The following C1QTNF3 variants were observed in gnomAD, a reference collection of about 807,000 sequenced individuals.
C1QTNF3 encodes C1q and TNF related 3, also known as complement C1q tumor necrosis factor-related protein 3.
A neutral mutation model predicts 32.6 loss-of-function variants in C1QTNF3; 26 were observed. That is an observed-to-expected ratio of 0.80 (90% confidence interval 0.58 to 1.11). The LOEUF (loss-of-function observed/expected upper bound fraction) is 1.11, where lower values mean the gene tolerates loss of function less well. Among genes scored for constraint, C1QTNF3 ranks in the 50% least tolerant of loss-of-function variants. The pLI is 0.00. For missense variants in C1QTNF3, 362 were observed against 398.2 expected (o/e 0.91, Z 0.77); for synonymous variants, 155 against 146.0 (o/e 1.06, Z -0.44).
chr5:34,122,468 C>T, the C1QTNF3 span, among the ~76,000 whole-genome samples: 3 of 152,258 alleles, frequency 2.0e-5, no homozygotes, highest in Admixed American at 2.0e-4. Context: ...CTCGTGTTTT[C>T]AGGAAAGTAG....
Position 34,028,834 on chromosome 5 carries a change from C to T in C1QTNF3, c.620G>A (p.Gly207Glu). 6.2e-7 allele frequency: 1 copy of T among 1,612,794 alleles called. No homozygotes were observed. The highest frequency in any genetic ancestry group is 1.1e-5 in the South Asian group (1 of 90,904). Reference protein sequence around the residue: ...LATHFSNQNSGIIFSSVETNI... With the variant: ...LATHFSNQNSEIIFSSVETNI... ...GGTCTCAACACTGCTGAAGATAATCCCACTGTTCTGATTGCTGAAGTGGGT... is the reference window on the plus strand; with the variant it reads ...GGTCTCAACACTGCTGAAGATAATCTCACTGTTCTGATTGCTGAAGTGGGT... Residue 207 changes from glycine (G) to glutamate (E), a missense_variant, in exon 4 of 6, where the codon GGG (glycine) becomes GAG (glutamate). Transcript: ENST00000382065.
the C1QTNF3 span, chr5:34,167,684 G>A: frequency 6.6e-6 from 1 of 152,134 alleles, no homozygotes; most frequent in African/African-American, 2.4e-5. Flanking sequence ...TTTCTCATGA[G>A]GAACATATAC....
the C1QTNF3 span, among the ~76,000 whole-genome samples, chr5:34,120,410 G>A: frequency 2.0e-5 from 3 of 151,720 alleles, no homozygotes; most frequent in African/African-American, 7.3e-5. Context: ...TGTTTGAAAA[G>A]AGGATTTGAA....
chr5:34,090,032 T>C, the C1QTNF3 span, among the ~76,000 whole-genome samples: 12 of 152,198 alleles, frequency 7.9e-5, no homozygotes, highest in Admixed American at 7.9e-4. Context: ...GCATTAAAAA[T>C]GGATGTTCAC....
chr5:34,230,550 A>T, the C1QTNF3 span, among the ~76,000 whole-genome samples: 10 of 152,324 alleles, frequency 6.6e-5, no homozygotes, highest in Admixed American at 3.9e-4. Context: ...ATTTTTAAAA[A>T]TATTTTATAT....
chr5:34,025,942 T>C (rs916805658), intron 4 of C1QTNF3, among the ~76,000 whole-genome samples: 4 of 152,262 alleles, frequency 2.6e-5, no homozygotes, highest in Non-Finnish European at 4.4e-5. Context: ...ATTGCTTCTA[T>C]CATTTCATAT....
the C1QTNF3 span, chr5:34,175,806 C>T: frequency 6.6e-6 from 5 of 755,444 alleles, no homozygotes; most frequent in South Asian, 5.6e-5. Context: ...ATCCCATGCG[C>T]TAAACTGCCA....
At chr5:34,244,534 A>G in the C1QTNF3 span, 1 of 152,248 alleles carries the variant, frequency 6.6e-6, no homozygotes, top group Admixed American at 6.5e-5. Context: ...GTCTGTTTAC[A>G]ATCCTTTAGC....
At chr5:34,230,949 C>CT in the C1QTNF3 span, among the ~76,000 whole-genome samples, 2,041 of 146,582 alleles carry the variant, frequency 0.014, 46 homozygotes, top group African/African-American at 0.045. Context: ...TTGGCATCAA[C>CT]TTTTTTTGCA....
At chr5:34,037,282 A>G (rs1490542726) in intron 1 of C1QTNF3, among the ~76,000 whole-genome samples, 1 of 152,156 alleles carries the variant, frequency 6.6e-6, no homozygotes, top group Non-Finnish European at 1.5e-5. Context: ...TTGCTAAGAG[A>G]TTCATGAAAA....
chr5:34,026,579 G>A (rs2112101889), intron 4 of C1QTNF3, among the ~76,000 whole-genome samples: 1 of 152,184 alleles, frequency 6.6e-6, no homozygotes, highest in South Asian at 2.1e-4. Flanking sequence ...AGTCTGGAGA[G>A]GTAGTGGAAG....
In C1QTNF3 at chr5:34,028,768, C is replaced by T; in HGVS notation, c.686G>A (p.Gly229Glu). Residue 229 changes from glycine to glutamate, a missense_variant, in exon 4 of 6, where the codon GGG becomes GAG. Coordinates refer to ENST00000382065, the MANE Select transcript of C1QTNF3 (RefSeq NM_181435.6). The stretch of plus-strand genomic sequence containing the variant: ...TTCCATCTCACCTGATACTGGGGCC[C>T]CAAATCTACCAGTCATGACATCAAA... ...NFFDVMTGRF[G>E]APVSGVYFFT... 1.9e-6 allele frequency: 3 copies of T among 1,607,498 alleles called. No homozygotes were observed. The highest frequency in any genetic ancestry group is 2.5e-6 in the Non-Finnish European group (3 of 1,176,590).
At chr5:34,032,135 T>A (rs1754628205) in intron 3 of C1QTNF3, among the ~76,000 whole-genome samples, 1 of 152,234 alleles carries the variant, frequency 6.6e-6, no homozygotes, top group African/African-American at 2.4e-5. Flanking sequence ...ACTTAATTTT[T>A]AAAAAATGCT....
the C1QTNF3 span, among the ~76,000 whole-genome samples, chr5:34,074,854 A>G: frequency 5.9e-5 from 9 of 151,876 alleles, no homozygotes; most frequent in East Asian, 1.5e-3. Flanking sequence ...AAAATAAAAT[A>G]AAATATGATA....
chr5:34,076,407 T>C, the C1QTNF3 span, among the ~76,000 whole-genome samples: 1 of 151,652 alleles, frequency 6.6e-6, no homozygotes, highest in African/African-American at 2.4e-5. Context: ...ACCTTTCTTT[T>C]CTGAAAGTCA....
At chr5:34,216,060 A>C in the C1QTNF3 span, among the ~76,000 whole-genome samples, 8 of 152,216 alleles carry the variant, frequency 5.3e-5, no homozygotes, top group African/African-American at 1.9e-4. Flanking sequence ...CCATCTTCTC[A>C]CTCTCATAAC....
At position 34,019,125 on chromosome 5, in the gene C1QTNF3, C is replaced by A. The variant is rs79461406; in HGVS notation, c.*1458G>T. Among the ~76,000 whole-genome samples the A allele has an allele frequency of 7.5e-5, 11 of 145,768 alleles. No homozygotes were observed. Among genetic ancestry groups the A allele is most frequent in the African/African-American group, 1.0e-4 (4 of 39,926 alleles). On this transcript the variant is annotated 3_prime_UTR_variant, in exon 6 of 6. Transcript: ENST00000382065. ...CCTGGGCAGCAGCGTGAAACTGTCT[C>A]AAAAAAAAAAAAGATTTAGAATTTG...
the C1QTNF3 span, among the ~76,000 whole-genome samples, chr5:34,143,566 C>T: frequency 4.6e-5 from 7 of 152,180 alleles, no homozygotes; most frequent in Admixed American, 3.9e-4. Flanking sequence ...CAGACAGAAC[C>T]CCATCAGGCT....
chr5:34,113,429 A>G, the C1QTNF3 span, among the ~76,000 whole-genome samples: 7 of 151,714 alleles, frequency 4.6e-5, no homozygotes, highest in African/African-American at 1.7e-4. Context: ...GTACATGAAG[A>G]TCAAGTCAGA....
Sources: allele counts gnomAD v4.1 joint callset (sites outside exome capture counted in the v4.1 genomes callset), GRCh38; gene constraint gnomAD v4.1.1; transcripts MANE v1.5; gene names NCBI Gene and HGNC (gene_info 2026-07-23, HGNC 2026-07-21).